The following TNK2 variants were observed in gnomAD, a reference collection of about 807,000 sequenced individuals.
TNK2 encodes the protein activated CDC42 kinase 1.
In TNK2, 83 loss-of-function variants were observed where a neutral mutation model predicts 101.8. That is an observed-to-expected ratio of 0.82 (90% CI 0.68 to 0.98). The LOEUF is 0.98. Among genes scored for constraint, TNK2 ranks in the 50% least tolerant of loss-of-function variants. The pLI, the probability that TNK2 is intolerant of heterozygous loss-of-function variation, is 0.00. For missense variants in TNK2, 1,665 were observed against 1,483.2 expected (o/e 1.12, Z -2.01); for synonymous variants, 804 against 633.0 (o/e 1.27, Z -4.06).
At position 195,888,749 on chromosome 3, in the gene TNK2, G is replaced by T; in HGVS notation, c.-18-143C>A. ...CTTCTGACTCCCGAGGGAAGCTACC[G>T]AGAACCGCCTGGACCCACGTCCCCT... On this transcript the variant is annotated intron_variant, in intron 1 of 15. Transcript: ENST00000672887. This position sits in a 1 kb window ranked among gnomAD's most constrained non-coding sequence, Gnocchi z 5.3. 1 of 792,918 alleles carries T rather than the reference G, an allele frequency of 1.3e-6. No individual in the cohort carries two copies. The highest frequency in any genetic ancestry group is 1.9e-6 in the Non-Finnish European group (1 of 516,544). 49.1% of individuals were successfully genotyped at this position (792,918 alleles called of 1,614,324 possible).
chr3:195,872,182 G>C lies in TNK2; in HGVS notation c.1451+94C>G, dbSNP rs1019697193. 19 of 1,387,876 alleles carry C rather than the reference G, an allele frequency of 1.4e-5. No homozygotes were observed. In the Admixed American group the frequency reaches 4.1e-4, roughly 30 times the overall value. 86.0% of individuals were successfully genotyped at this position (1,387,876 alleles called of 1,614,324 possible). A position where few individuals can be genotyped will look rare whatever the true frequency, so the allele number is the denominator to read the frequency against. ...GTCGGGGGCTGAAGCCCGGGCGAAAGGGTGAAGAGCAGATTCCGCCCACGC... is the reference window on the plus strand; with the variant it reads ...GTCGGGGGCTGAAGCCCGGGCGAAACGGTGAAGAGCAGATTCCGCCCACGC... On this transcript the variant is annotated intron_variant, in intron 10 of 15. Transcript: ENST00000672887.
chr3:195,895,357 C>G, intron 1 of TNK2: 1 of 1,559,842 alleles, frequency 6.4e-7, no homozygotes, highest in African/African-American at 1.4e-5. Context: ...GCAGCCCCCG[C>G]CCCGCAGCGG....
chr3:195,894,569 TCCG>T (rs1440712741), intron 1 of TNK2: 3 of 151,624 alleles, frequency 2.0e-5, no homozygotes, highest in African/African-American at 7.3e-5. Context: ...TTTTTTTTTT[TCCG>T]CCATGTTGGC....
Position 195,878,669 on chromosome 3 carries a change from T to C in TNK2, c.1015-77A>G, listed in dbSNP as rs920985040. The C allele has an allele frequency of 1.9e-6, 3 of 1,549,998 alleles. No individual in the cohort carries two copies. The highest frequency in any genetic ancestry group is 2.7e-5 in the African/African-American group (2 of 73,806). ...CACTTCCCGCCTTCCCTCCAGCCCA[T>C]CCACAGCTGCAGCGGCTGCTGCCAT... On this transcript the variant is annotated intron_variant, in intron 7 of 15. Transcript: ENST00000672887. This position sits in a 1 kb window ranked among gnomAD's most constrained non-coding sequence, Gnocchi z 4.7.
rs1478334336 is a variant in TNK2 at position 195,868,171 on chromosome 3, C to T, written c.2127G>A (p.Gly709=). The change falls in exon 13 of 16, where the codon GGG becomes GGA. Residue 709 remains glycine, a synonymous_variant. Transcript: ENST00000672887. ...TCTGTGCGGAGCTGGGCGGCTTGCC[C>T]CCACCCTGGGGCGGGAGGAACAGGT... is the stretch of plus-strand genomic sequence containing the variant. The part of the protein sequence containing the change: ...EDNLFLPPQG[G]GKPPSSAQTA... 45 of 1,610,284 alleles carry T rather than the reference C, an allele frequency of 2.8e-5. No homozygotes were observed. The highest frequency in any genetic ancestry group is 3.5e-5 in the Non-Finnish European group (41 of 1,179,020).
intron 15 of TNK2, among the ~76,000 whole-genome samples, chr3:195,864,989 C>G (rs34382127): frequency 1.7e-5 from 1 of 59,482 alleles, no homozygotes; most frequent in Admixed American, 1.8e-4. Flanking sequence ...CCCGAGACAG[C>G]GACAGACAGG....
Position 195,888,285 on chromosome 3 carries a change from A to G in TNK2, c.163+141T>C. The G allele has an allele frequency of 1.2e-6, 1 of 859,328 alleles. No homozygotes were observed. Among genetic ancestry groups the G allele is most frequent in the Non-Finnish European group, 1.8e-6 (1 of 553,078 alleles). The allele number at this position is 859,328 out of a possible 1,614,324, so 53.2% of individuals were successfully genotyped here. A position where few individuals can be genotyped will look rare whatever the true frequency, so the allele number is the denominator to read the frequency against. ...TAACTGCCAACTGTTCTCATCACAC[A>G]TCAGCACCTACTGATGTCCCTCCTG... is the stretch of plus-strand genomic sequence containing the variant. On this transcript the variant is annotated intron_variant, in intron 2 of 15. Coordinates refer to ENST00000672887, the MANE Select transcript of TNK2 (RefSeq NM_001382273.1). The surrounding 1 kb of genome is among the most constrained non-coding windows in gnomAD (Gnocchi z 5.3).
chr3:195,874,085 C>T (rs915413985), intron 9 of TNK2, among the ~76,000 whole-genome samples: 3 of 152,222 alleles, frequency 2.0e-5, no homozygotes, highest in Admixed American at 1.3e-4. Context: ...GGAGGAACCC[C>T]GGCACCGGCT....
chr3:195,882,546 A>G lies in TNK2; in HGVS notation c.610-218T>C. ...CTGATGCCTAGAGAGAAGGAGCCCA[A>G]AGAGGCAGTGGCTAGAAATTCCAAA... On this transcript the variant is annotated intron_variant, in intron 5 of 15. Coordinates refer to ENST00000672887, the MANE Select transcript of TNK2 (RefSeq NM_001382273.1). This position sits in a 1 kb window ranked among gnomAD's most constrained non-coding sequence, Gnocchi z 4.2. 3 of 1,526,680 alleles carry G rather than the reference A, an allele frequency of 2.0e-6. No homozygotes were observed. The highest frequency in any genetic ancestry group is 2.6e-6 in the Non-Finnish European group (3 of 1,141,284). The allele number at this position is 1,526,680 out of a possible 1,614,324, so 94.6% of individuals were successfully genotyped here. A position where few individuals can be genotyped will look rare whatever the true frequency, so the allele number is the denominator to read the frequency against.
At chr3:195,871,520 A>AGGGGTCAC (rs1314996376) in intron 10 of TNK2, among the ~76,000 whole-genome samples, 76 of 152,240 alleles carry the variant, frequency 5.0e-4, no homozygotes, top group African/African-American at 1.8e-3. Flanking sequence ...GCTCGTGTGC[A>AGGGGTCAC]GGGGTCACAG....
At chr3:195,872,194 G>T in intron 10 of TNK2, 82 bp downstream of exon 10, 2 of 1,476,254 alleles carry the variant, frequency 1.4e-6, no homozygotes, top group South Asian at 1.3e-5. Context: ...GTGAAGAGCA[G>T]ATTCCGCCCA....
chr3:195,879,013 C>T, intron 7 of TNK2, 36 bp downstream of exon 7: 1 of 1,608,012 alleles, frequency 6.2e-7, no homozygotes, highest in South Asian at 1.1e-5. Flanking sequence ...GAATTCACCC[C>T]ACCAGCCCTA....
intron 1 of TNK2, among the ~76,000 whole-genome samples, chr3:195,900,138 G>C (rs1176370644): frequency 1.3e-5 from 2 of 152,142 alleles, no homozygotes; most frequent in East Asian, 3.9e-4. Flanking sequence ...CCTGACATTG[G>C]TCTTAAGGAA....
chr3:195,898,699 C>T (rs1760907038), intron 1 of TNK2, among the ~76,000 whole-genome samples: 1 of 152,160 alleles, frequency 6.6e-6, no homozygotes, highest in South Asian at 2.1e-4. Flanking sequence ...GACCATGGCT[C>T]ATTTTAATTT....
chr3:195,889,733 C>G (rs1026518426), intron 1 of TNK2, among the ~76,000 whole-genome samples: 5 of 152,236 alleles, frequency 3.3e-5, no homozygotes, highest in Non-Finnish European at 7.3e-5. Context: ...GATAAAGAAG[C>G]TGGTGGCACC....
chr3:195,890,454 G>GTTT (rs58431049), intron 1 of TNK2, among the ~76,000 whole-genome samples: 19 of 119,166 alleles, frequency 1.6e-4, no homozygotes, highest in African/African-American at 4.8e-4. Flanking sequence ...TAGTTTTTTG[G>GTTT]TTTTTTTTTT....
Position 195,888,135 on chromosome 3 carries a change from T to C in TNK2, c.163+291A>G, listed in dbSNP as rs1301800870. 3.3e-5 allele frequency among the ~76,000 whole-genome samples: 5 copies of C among 152,084 alleles called. No individual in the cohort carries two copies. The highest frequency in any genetic ancestry group is 1.2e-4 in the African/African-American group (5 of 41,410). On this transcript the variant is annotated intron_variant, in intron 2 of 15. Transcript: ENST00000672887. This position sits in a 1 kb window ranked among gnomAD's most constrained non-coding sequence, Gnocchi z 5.3. ...ATGAGAACAGACTCAATTCGATGCT[T>C]ATGAAGGAGGGGCAATGGAGGACAT... is the stretch of plus-strand genomic sequence containing the variant.
intron 1 of TNK2, among the ~76,000 whole-genome samples, chr3:195,897,578 T>C (rs1303735311): frequency 6.6e-6 from 1 of 152,226 alleles, no homozygotes; most frequent in African/African-American, 2.4e-5. Flanking sequence ...CTTGGCTCAC[T>C]GCAACCTCTG....
chr3:195,871,349 C>CTG (rs1745198034), intron 10 of TNK2, among the ~76,000 whole-genome samples: 1 of 152,112 alleles, frequency 6.6e-6, no homozygotes, highest in South Asian at 2.1e-4. Flanking sequence ...GGCGGAGCTG[C>CTG]CACCTAACGT....
Sources: gnomAD v4.1 joint callset for allele counts (sites outside exome capture counted in the v4.1 genomes callset) on GRCh38, gnomAD v4.1.1 for gene constraint, Gnocchi (gnomAD v3.1) non-coding constraint, MANE v1.5 for transcripts, NCBI Gene and HGNC (gene_info 2026-07-23, HGNC 2026-07-21) for gene names.